PHLDB2: variants seen among roughly 807,000 people sequenced by gnomAD.
PHLDB2 encodes pleckstrin homology like domain family B member 2.
A neutral mutation model predicts 123.6 loss-of-function variants in PHLDB2; 71 were observed. That is an observed-to-expected ratio of 0.57 (90% CI 0.47 to 0.70). The LOEUF is 0.70. Among genes scored for constraint, PHLDB2 ranks in the 30% least tolerant of loss-of-function variants. The probability of loss-of-function intolerance (pLI) is 0.00; values close to 1 mark genes in which losing one functional copy is unlikely to be tolerated. For synonymous variants in PHLDB2, 547 were observed against 541.6 expected (o/e 1.01, Z -0.14); for missense variants, 1,446 against 1,519.5 (o/e 0.95, Z 0.80).
At chr3:111,815,842 G>A (rs1272487722) in intron 1 of PHLDB2, among the ~76,000 whole-genome samples, 4 of 152,166 alleles carry the variant, frequency 2.6e-5, no homozygotes, top group Admixed American at 2.6e-4. Context: ...GCATGTCGAG[G>A]TCTTTACAAC....
Position 111,884,939 on chromosome 3 carries a change from G to C in PHLDB2, c.862G>C (p.Glu288Gln). 1 of 1,614,088 alleles carries C rather than the reference G, an allele frequency of 6.2e-7. No individual in the cohort carries two copies. The highest frequency in any genetic ancestry group is 8.5e-7 in the Non-Finnish European group (1 of 1,180,004). ...CAATTCCAAACGAACAAAACTTGGG[G>C]AAAAGGATCTACCTCATAGCGTAAT... ...LGNSKRTKLG[E>Q]KDLPHSVIDN... The change falls in exon 2 of 18, where the codon GAA (glutamate) becomes CAA (glutamine). Residue 288 changes from glutamate (E) to glutamine (Q), a missense_variant. Glu to Gln is a conservative substitution (Grantham distance 29). Around this residue, in one of 3 missense-constraint regions of PHLDB2, gnomAD observed 832 missense variants for 831.9 expected, o/e 1.00. Transcript: ENST00000431670.
intron 1 of PHLDB2, among the ~76,000 whole-genome samples, chr3:111,843,385 C>T (rs1387944034): frequency 6.6e-6 from 1 of 152,094 alleles, no homozygotes; most frequent in Non-Finnish European, 1.5e-5. Flanking sequence ...TACTCAAATC[C>T]TTTGAGTATT....
chr3:111,921,930 G>T (rs2068533598), intron 5 of PHLDB2, among the ~76,000 whole-genome samples: 1 of 152,156 alleles, frequency 6.6e-6, no homozygotes, highest in Non-Finnish European at 1.5e-5. Flanking sequence ...TTGGGTAGTG[G>T]GTGTATTTTT....
chr3:111,859,679 G>A, intron 1 of PHLDB2, 103 bp downstream of exon 1: 1 of 985,320 alleles, frequency 1.0e-6, no homozygotes, highest in Non-Finnish European at 1.2e-6. Flanking sequence ...CGAGTTGGTT[G>A]CCGCCGGTTG....
intron 1 of PHLDB2, among the ~76,000 whole-genome samples, chr3:111,865,438 C>T (rs2065021801): frequency 6.6e-6 from 1 of 152,174 alleles, no homozygotes; most frequent in South Asian, 2.1e-4. Flanking sequence ...AAAACTATTT[C>T]TGTTCTGTGG....
chr3:111,973,483 A>T (rs1442096730), intron 16 of PHLDB2, among the ~76,000 whole-genome samples: 1 of 152,138 alleles, frequency 6.6e-6, no homozygotes, highest in Non-Finnish European at 1.5e-5. Context: ...TTTGACTGCT[A>T]ATCTGCTGGA....
intron 11 of PHLDB2, 146 bp downstream of exon 11, chr3:111,952,858 T>C (rs949111604): frequency 1.8e-5 from 18 of 1,002,214 alleles, no homozygotes; most frequent in Non-Finnish European, 2.4e-5. Context: ...CTAAATCTCA[T>C]TTTCTACCTG....
intron 1 of PHLDB2, among the ~76,000 whole-genome samples, chr3:111,872,361 T>C (rs2065383493): frequency 6.6e-6 from 1 of 152,218 alleles, no homozygotes; most frequent in African/African-American, 2.4e-5. Context: ...CTGTAAACTT[T>C]GGCATCTTCT....
intron 2 of PHLDB2, among the ~76,000 whole-genome samples, chr3:111,851,546 G>A (rs6809779): frequency 0.1 from 15,475 of 152,166 alleles, 1,028 homozygotes; most frequent in South Asian, 0.17. Context: ...GAGCAGCCTC[G>A]ACTTGAGACT....
At chr3:111,869,727 G>T (rs1258660167) in intron 1 of PHLDB2, among the ~76,000 whole-genome samples, 1 of 152,168 alleles carries the variant, frequency 6.6e-6, no homozygotes, top group Non-Finnish European at 1.5e-5. Context: ...GTGTGTGTGT[G>T]TGTGTCTACA....
At chr3:111,794,534 A>G (rs2061068906) in intron 1 of PHLDB2, among the ~76,000 whole-genome samples, 1 of 152,212 alleles carries the variant, frequency 6.6e-6, no homozygotes, top group Admixed American at 6.5e-5. Flanking sequence ...GTGTTCCTAC[A>G]GTGGGGACAA....
intron 1 of PHLDB2, among the ~76,000 whole-genome samples, chr3:111,780,321 GGAAGAAGAAGAA>G (rs776116547): frequency 7.3e-3 from 27 of 3,680 alleles, no homozygotes; most frequent in African/African-American, 0.013. Flanking sequence ...AAGAGGAAGA[GGAAGAAGAAGAA>G]GAAGAAGAAG....
chr3:111,805,597 A>C lies in PHLDB2; in HGVS notation c.-48-40224A>C, dbSNP rs1377380640. ...AAAAAAATTACTGGATAAATGCAAC[A>C]ACATGGATGGGTCTCATAAACAGCA... is the stretch of plus-strand genomic sequence containing the variant. On this transcript the variant is annotated intron_variant, in intron 1 of 17. Coordinates refer to the PHLDB2 transcript ENST00000393923. Among the ~76,000 whole-genome samples, 3 of 149,788 alleles carry C rather than the reference A, an allele frequency of 2.0e-5. 1 individual carries two copies. In the East Asian group the frequency reaches 6.5e-4, roughly 32 times the overall value.
At chr3:111,925,608 C>T (rs1253692930) in intron 5 of PHLDB2, among the ~76,000 whole-genome samples, 1 of 152,172 alleles carries the variant, frequency 6.6e-6, no homozygotes, top group South Asian at 2.1e-4. Flanking sequence ...AAGATTGGGA[C>T]CTCTGGTCTA....
intron 2 of PHLDB2, among the ~76,000 whole-genome samples, chr3:111,900,198 A>G (rs969615535): frequency 6.6e-6 from 1 of 152,248 alleles, no homozygotes; most frequent in African/African-American, 2.4e-5. Flanking sequence ...CTTTCTTTAC[A>G]TCAGCAGTAA....
At chr3:111,882,601 A>G (rs2107323066) in intron 1 of PHLDB2, among the ~76,000 whole-genome samples, 1 of 152,294 alleles carries the variant, frequency 6.6e-6, no homozygotes, top group South Asian at 2.1e-4. Context: ...TTATGTTTGT[A>G]TCTATCTGGG....
Position 111,884,414 on chromosome 3 carries a change from A to G in PHLDB2, c.337A>G (p.Asn113Asp). 1 of 1,614,136 alleles carries G rather than the reference A, an allele frequency of 6.2e-7. No homozygotes were observed. Among genetic ancestry groups the G allele is most frequent in the South Asian group, 1.1e-5 (1 of 91,078 alleles). The stretch of plus-strand genomic sequence containing the variant: ...TATGAAACCTCCAACTCCTTTACTC[A>G]ACACTACATCCTCCCTCAGTGGATA... ...IPMKPPTPLL[N>D]TTSSLSGYPL... is the part of the protein sequence containing the mutation. The change falls in exon 2 of 18, where the codon AAC (asparagine) becomes GAC (aspartate). Residue 113 changes from asparagine (N) to aspartate (D), a missense_variant. Transcript: ENST00000431670.
At chr3:111,791,565 G>A (rs1194469236) in intron 1 of PHLDB2, among the ~76,000 whole-genome samples, 11 of 152,206 alleles carry the variant, frequency 7.2e-5, no homozygotes, top group Admixed American at 7.2e-4. Flanking sequence ...CTCCCTGGTA[G>A]TGTATAAGCA....
chr3:111,734,206 C>G (rs1941604560), intron 1 of PHLDB2, among the ~76,000 whole-genome samples: 1 of 152,150 alleles, frequency 6.6e-6, no homozygotes, highest in Non-Finnish European at 1.5e-5. Flanking sequence ...GTGAATCTGG[C>G]TGGTATCCAG....
Sources: allele counts gnomAD v4.1 joint callset (sites outside exome capture counted in the v4.1 genomes callset), GRCh38; gene constraint gnomAD v4.1.1; regional missense constraint gnomAD v4.1.1; transcripts MANE v1.5; gene names NCBI Gene and HGNC (gene_info 2026-07-23, HGNC 2026-07-21).